The following BET1L variants were observed in gnomAD, a reference collection of about 807,000 sequenced individuals.
The protein encoded by BET1L is BET1-like protein.
A neutral mutation model predicts 12.6 loss-of-function variants in BET1L; 13 were observed. The observed-to-expected ratio is 1.03, with a 90% CI of 0.67 to 1.64. The LOEUF (loss-of-function observed/expected upper bound fraction) is 1.64. BET1L is among the 40% of genes most tolerant of loss of function. The pLI is 0.00. For missense variants in BET1L, 154 were observed against 150.7 expected (o/e 1.02, Z -0.11); for synonymous variants, 60 against 56.9 (o/e 1.05, Z -0.25).
rs1855117200 is a variant in BET1L, at chr11:205,068, G to GGAGGGGA, written c.*233_*234insTCCCCTC. The GGAGGGGA allele has an allele frequency of 1.9e-6, 1 of 540,484 alleles. No homozygotes were observed. The highest frequency in any genetic ancestry group is 3.3e-5 in the Admixed American group (1 of 30,046). 33.5% of individuals were successfully genotyped at this position (540,484 alleles called of 1,614,324 possible). On this transcript the variant is annotated 3_prime_UTR_variant, in exon 4 of 4. Transcript: ENST00000382762. ...GGCTCTCTAGCACCTGGGGGAGGGG[G>GGAGGGGA]GAGGGGCTGGGCCTTGGTTTCCCCG...
intron 1 of BET1L, 115 bp downstream of exon 1, chr11:207,188 C>T (rs111762686): frequency 1.4e-5 from 19 of 1,349,526 alleles, no homozygotes; most frequent in Non-Finnish European, 1.9e-5. Context: ...CTGACAGGGT[C>T]CTCTCGGCCG....
At chr11:206,967 G>A (rs1395273451) in intron 1 of BET1L, 6 of 404,864 alleles carry the variant, frequency 1.5e-5, no homozygotes, top group Non-Finnish European at 2.7e-5. Flanking sequence ...TACTCCTAGG[G>A]CCTGGCCTCG....
chr11:205,019 C>A lies in BET1L; in HGVS notation c.*283G>T. On this transcript the variant is annotated 3_prime_UTR_variant, in exon 4 of 4. Transcript: ENST00000382762. The stretch of plus-strand genomic sequence containing the variant: ...TCTGCTCAGACCTGGCTTCTCCAGA[C>A]ACGCTGTGGCCCCAGCTCTGCCTGG... 1 of 424,372 alleles carries A rather than the reference C, an allele frequency of 2.4e-6. No homozygotes were observed. The highest frequency in any genetic ancestry group is 2.3e-5 in the South Asian group (1 of 44,278). The allele number at this position is 424,372 out of a possible 1,614,324, so 26.3% of individuals were successfully genotyped here. A position where few individuals can be genotyped will look rare whatever the true frequency, so the allele number is the denominator to read the frequency against.
In BET1L at chr11:207,385, C is replaced by CCGCCTCAGACGTGGCGA. The variant is rs1346150297; in HGVS notation, c.-65_-64insTCGCCACGTCTGAGGCG. On this transcript the variant is annotated 5_prime_UTR_variant, in exon 1 of 4. Coordinates refer to ENST00000382762, the MANE Select transcript of BET1L (RefSeq NM_001098787.2). ...GGCCACAGCCGCCTCAGACGTGGCG[C>CCGCCTCAGACGTGGCGA]AGTCGCGGGGAAAGAGCTTCCGGCC... The CCGCCTCAGACGTGGCGA allele has an allele frequency of 3.1e-6, 4 of 1,274,274 alleles. No homozygotes were observed. The African/African-American group carries it at 1.0e-4, about 32-fold the overall frequency. The allele number at this position is 1,274,274 out of a possible 1,614,324, so 78.9% of individuals were successfully genotyped here.
At position 207,359 on chromosome 11, in the gene BET1L, C is replaced by CGGCCACAGCCGCCTCGGACGT. The variant is rs1855200629; in HGVS notation, c.-39_-38insACGTCCGAGGCGGCTGTGGCC. On this transcript the variant is annotated 5_prime_UTR_variant, in exon 1 of 4. Coordinates refer to ENST00000382762, the MANE Select transcript of BET1L (RefSeq NM_001098787.2). Reference sequence around the variant, plus strand: ...CGGCTCCTCGACGCGGACACCGACGCGGCCACAGCCGCCTCAGACGTGGCG... The same window carrying CGGCCACAGCCGCCTCGGACGT: ...CGGCTCCTCGACGCGGACACCGACGCGGCCACAGCCGCCTCGGACGTGGCCACAGCCGCCTCAGACGTGGCG... 49 of 1,506,518 alleles carry CGGCCACAGCCGCCTCGGACGT rather than the reference C, an allele frequency of 3.3e-5. No homozygotes were observed. In the South Asian group the frequency reaches 6.0e-4, roughly 18 times the overall value. The allele number at this position is 1,506,518 out of a possible 1,614,324, so 93.3% of individuals were successfully genotyped here.
intron 1 of BET1L, 46 bp downstream of exon 1, chr11:207,257 T>A: frequency 6.6e-7 from 1 of 1,518,392 alleles, no homozygotes; most frequent in Non-Finnish European, 8.8e-7. Flanking sequence ...GCGGCGTCGG[T>A]TTCGGCCCGG....
At chr11:207,114 C>A (rs1347641036) in intron 1 of BET1L, 189 bp downstream of exon 1, 2 of 737,196 alleles carry the variant, frequency 2.7e-6, no homozygotes, top group East Asian at 3.4e-5. Flanking sequence ...CGCCTTCGGT[C>A]CTAACGGCAG....
In BET1L at chr11:207,350, A is replaced by C. The variant is rs1434463052; in HGVS notation, c.-29T>G. 3 of 1,164,890 alleles carry C rather than the reference A, an allele frequency of 2.6e-6. No individual in the cohort carries two copies. The highest frequency in any genetic ancestry group is 2.7e-5 in the African/African-American group (1 of 36,410). The allele number at this position is 1,164,890 out of a possible 1,614,324, so 72.2% of individuals were successfully genotyped here. A position where few individuals can be genotyped will look rare whatever the true frequency, so the allele number is the denominator to read the frequency against. On this transcript the variant is annotated 5_prime_UTR_variant, in exon 1 of 4. Coordinates refer to ENST00000382762, the MANE Select transcript of BET1L (RefSeq NM_001098787.2). The stretch of plus-strand genomic sequence containing the variant: ...GCCCTGCCCCGGCTCCTCGACGCGG[A>C]CACCGACGCGGCCACAGCCGCCTCA...
At position 206,058 on chromosome 11, in the gene BET1L, G is replaced by T. The variant is rs757064767; in HGVS notation, c.20-15C>A. 11 of 1,611,400 alleles carry T rather than the reference G, an allele frequency of 6.8e-6. No homozygotes were observed. The highest frequency in any genetic ancestry group is 3.3e-4 in the Middle Eastern group (2 of 6,062). On this transcript the variant is annotated splice_polypyrimidine_tract_variant and intron_variant, in intron 1 of 3. Transcript: ENST00000382762. ...CGGGCTCTGAGCTGAGAAAAGAGAG[G>T]GGCTGAAGGGTTGCATCCATCGGTG...
chr11:206,738 G>A (rs547835182), intron 1 of BET1L, among the ~76,000 whole-genome samples: 1 of 152,332 alleles, frequency 6.6e-6, no homozygotes, highest in Non-Finnish European at 1.5e-5. Flanking sequence ...CACATCAGGT[G>A]CGTGAGAACC....
chr11:206,778 G>T (rs1855172810), intron 1 of BET1L, among the ~76,000 whole-genome samples: 1 of 152,194 alleles, frequency 6.6e-6, no homozygotes, highest in African/African-American at 2.4e-5. Context: ...TGTCAGGAAG[G>T]GATGCCAGCG....
chr11:205,447 G>C lies in BET1L; in HGVS notation c.191C>G (p.Thr64Ser). Residue 64 changes from threonine (T) to serine (S), a missense_variant, in exon 4 of 4, where the codon ACC (threonine) becomes AGC (serine). By Grantham distance (58) the Thr-to-Ser change is moderately conservative (BLOSUM62 1). Transcript: ENST00000382762. ...DGMDSDFTSMTSLLTGSVKRF... is the reference protein window; with the variant it reads ...DGMDSDFTSMSSLLTGSVKRF... Reference sequence around the variant, plus strand: ...CTTCACGCTCCCTGTAAGCAGGCTGGTCATGCTTGTGAAATCCGAGTCCTA... The same window carrying C: ...CTTCACGCTCCCTGTAAGCAGGCTGCTCATGCTTGTGAAATCCGAGTCCTA... 6.2e-7 allele frequency: 1 copy of C among 1,614,228 alleles called. No homozygotes were observed. The highest frequency in any genetic ancestry group is 1.7e-5 in the Admixed American group (1 of 60,028).
chr11:205,408 A>G lies in BET1L; in HGVS notation c.230T>C (p.Met77Thr), dbSNP rs375657505. 5 of 1,614,098 alleles carry G rather than the reference A, an allele frequency of 3.1e-6. No homozygotes were observed. The highest frequency in any genetic ancestry group is 1.3e-5 in the African/African-American group (1 of 74,926). ...LTGSVKRFST[M>T]ARSGQDNRKL... ...CCGGTTGTCTTGTCCGGACCTTGCC[A>G]TTGTGGAAAAGCGCTTCACGCTCCC... The change falls in exon 4 of 4, where the codon ATG becomes ACG. Residue 77 changes from methionine to threonine, a missense_variant. Physicochemically the swap from Met to Thr is moderately conservative, Grantham distance 81. Transcript: ENST00000382762.
intron 2 of BET1L, 46 bp from the exon 3 acceptor site, chr11:205,713 T>C (rs1319852365): frequency 2.5e-6 from 4 of 1,583,952 alleles, no homozygotes; most frequent in Non-Finnish European, 3.4e-6. Context: ...AGCAGACACA[T>C]AATACAGCAC....
At chr11:205,554 T>C in intron 3 of BET1L, 57 bp downstream of exon 3, 1 of 1,614,158 alleles carries the variant, frequency 6.2e-7, no homozygotes, top group Non-Finnish European at 8.5e-7. Context: ...CACTGCAGGC[T>C]CTGCAGCAGG....
intron 2 of BET1L, 110 bp downstream of exon 2, chr11:205,842 T>G (rs1027343313): frequency 6.9e-7 from 1 of 1,454,448 alleles, no homozygotes; most frequent in Non-Finnish European, 9.5e-7. Flanking sequence ...CAGCCACGAA[T>G]TGGATGAGGA....
intron 1 of BET1L, among the ~76,000 whole-genome samples, chr11:206,647 G>C (rs1287892388): frequency 6.6e-6 from 1 of 152,116 alleles, no homozygotes; most frequent in East Asian, 1.9e-4. Context: ...TCCCGCATGG[G>C]GCTTCCTGCA....
chr11:205,971 T>C lies in BET1L; in HGVS notation c.92A>G (p.Lys31Arg), dbSNP rs755891858. 1.2e-6 allele frequency: 2 copies of C among 1,614,078 alleles called. No individual in the cohort carries two copies. Among genetic ancestry groups the C allele is most frequent in the South Asian group, 1.1e-5 (1 of 91,078 alleles). The change falls in exon 2 of 4, where the codon AAA becomes AGA. Residue 31 changes from lysine (K) to arginine (R), a missense_variant. By Grantham distance (26) the Lys-to-Arg change is conservative. Coordinates refer to ENST00000382762, the MANE Select transcript of BET1L (RefSeq NM_001098787.2). ...ACTGACCGATTTGAGCCTGGTGACT[T>C]TGGAGGCCAGGCTGTCAGCCATTCG... Reference protein sequence around the residue: ...NKRMADSLASKVTRLKSLALD... With the variant: ...NKRMADSLASRVTRLKSLALD...
At chr11:207,216 C>A in intron 1 of BET1L, 87 bp downstream of exon 1, 13 of 1,481,480 alleles carry the variant, frequency 8.8e-6, no homozygotes, top group Non-Finnish European at 1.2e-5. Flanking sequence ...CCCAGCTGGG[C>A]CAGAGGCAGG....
Sources: allele counts gnomAD v4.1 joint callset (sites outside exome capture counted in the v4.1 genomes callset), GRCh38; gene constraint gnomAD v4.1.1; transcripts MANE v1.5; gene names NCBI Gene and HGNC (gene_info 2026-07-23, HGNC 2026-07-21).